Variants in GRID2 observed in about 807,000 individuals in gnomAD.
The protein encoded by GRID2 is glutamate receptor ionotropic, delta-2.
Under a neutral mutation model 114.8 loss-of-function variants are expected in GRID2, and 33 were observed. The ratio of observed to expected loss-of-function variants is 0.29; its 90% CI spans 0.22 to 0.38. The LOEUF is 0.38. GRID2 is among the 10% of genes least tolerant of loss of function. GRID2 has a pLI of 1.00. For synonymous variants in GRID2, 505 were observed against 449.9 expected, an observed-to-expected ratio of 1.12 and a Z score of -1.55; for missense variants, 1,184 against 1,257.7, an observed-to-expected ratio of 0.94 and a Z score of 0.89.
chr4:92,814,261 T>C (rs1740780181), intron 2 of GRID2, among the ~76,000 whole-genome samples: 1 of 152,088 alleles, frequency 6.6e-6, no homozygotes, highest in African/African-American at 2.4e-5. Context: ...ACACAGTAAT[T>C]TGGAGAAAGT....
At chr4:92,836,125 T>C (rs1742440394) in intron 2 of GRID2, among the ~76,000 whole-genome samples, 1 of 152,156 alleles carries the variant, frequency 6.6e-6, no homozygotes, top group South Asian at 2.1e-4. Flanking sequence ...TTTTGTATCA[T>C]CTATAGCTGT....
chr4:93,379,262 T>C lies in GRID2; in HGVS notation c.1246-16345T>C, dbSNP rs537063350. Among the ~76,000 whole-genome samples the C allele has an allele frequency of 6.0e-4, 92 of 152,196 alleles. 1 individual carries two copies. In the South Asian group the frequency reaches 0.015, roughly 25 times the overall value. ...ATAAGACAAGTAATATATTTAAATA[T>C]AGAATAAGTAACAAGCAACATGTTA... On this transcript the variant is annotated intron_variant, in intron 8 of 15. Coordinates refer to ENST00000282020, the MANE Select transcript of GRID2 (RefSeq NM_001510.4).
chr4:92,560,387 T>C (rs1727050018), intron 1 of GRID2, among the ~76,000 whole-genome samples: 1 of 152,198 alleles, frequency 6.6e-6, no homozygotes, highest in Non-Finnish European at 1.5e-5. Flanking sequence ...TTCCTCTCTC[T>C]TTTGAAGCCT....
intron 13 of GRID2, among the ~76,000 whole-genome samples, chr4:93,616,900 C>CA (rs10655866): frequency 0.48 from 71,929 of 150,440 alleles, 17,665 homozygotes; most frequent in East Asian, 0.69. Flanking sequence ...GAGGCTGAGG[C>CA]GAGAATGGCG....
At chr4:92,408,482 G>T (rs1366617489) in intron 1 of GRID2, among the ~76,000 whole-genome samples, 13 of 47,950 alleles carry the variant, frequency 2.7e-4, no homozygotes, top group South Asian at 6.7e-4. Context: ...TGTTTTAAAT[G>T]AACTTTAGAA....
intron 8 of GRID2, among the ~76,000 whole-genome samples, chr4:93,303,320 C>T (rs575531544): frequency 1.5e-4 from 23 of 152,276 alleles, no homozygotes; most frequent in East Asian, 5.8e-4. Context: ...AAGCTACAAA[C>T]GGAGCATTGT....
At chr4:92,349,286 A>G (rs1280934615) in intron 1 of GRID2, among the ~76,000 whole-genome samples, 1 of 151,972 alleles carries the variant, frequency 6.6e-6, no homozygotes, top group African/African-American at 2.4e-5. Context: ...AAAAATGACT[A>G]AAAGTTTGTC....
chr4:92,930,558 T>C (rs112805613), intron 2 of GRID2, among the ~76,000 whole-genome samples: 199 of 150,482 alleles, frequency 1.3e-3, no homozygotes, highest in Admixed American at 2.7e-3. Flanking sequence ...AAAGATTCTT[T>C]ATCTTGTTAC....
chr4:92,748,631 TGTA>T (rs1384021876), intron 2 of GRID2, among the ~76,000 whole-genome samples: 58 of 125,298 alleles, frequency 4.6e-4, no homozygotes, highest in African/African-American at 1.5e-3. Flanking sequence ...TTAATTAAAT[TGTA>T]TTATTATTAT....
rs1767365657 is a variant in GRID2 at position 93,413,086 on chromosome 4, A to G, written c.1348-9685A>G. On this transcript the variant is annotated intron_variant, in intron 9 of 15. Transcript: ENST00000282020. ...GTGTATGTGTCTTTATAGTAGAATG[A>G]TTTATAATCCTATGGGTAAATACCC... Among the ~76,000 whole-genome samples the G allele has an allele frequency of 2.6e-5, 4 of 152,128 alleles. No individual in the cohort carries two copies. The South Asian group carries it at 8.3e-4, about 32-fold the overall frequency.
chr4:92,471,141 G>A (rs1464393100), intron 1 of GRID2, among the ~76,000 whole-genome samples: 1 of 151,938 alleles, frequency 6.6e-6, no homozygotes, highest in African/African-American at 2.4e-5. Context: ...AGAGCGAATG[G>A]TACAGTAAAA....
chr4:92,572,837 A>G (rs1727697996), intron 1 of GRID2, among the ~76,000 whole-genome samples: 1 of 151,824 alleles, frequency 6.6e-6, no homozygotes, highest in Non-Finnish European at 1.5e-5. Flanking sequence ...GGCCTCATAG[A>G]ATGAGTTAAG....
chr4:93,416,442 CT>C (rs1240813669), intron 9 of GRID2, among the ~76,000 whole-genome samples: 4 of 151,954 alleles, frequency 2.6e-5, no homozygotes, highest in Non-Finnish European at 5.9e-5. Flanking sequence ...GAAATAGTCT[CT>C]TTTTTCTTTA....
intron 2 of GRID2, among the ~76,000 whole-genome samples, chr4:92,913,561 A>T (rs1370944816): frequency 1.3e-5 from 2 of 151,936 alleles, no homozygotes; most frequent in Non-Finnish European, 2.9e-5. Context: ...TCCTAGATGA[A>T]GCTCATTTTC....
At chr4:93,296,874 A>G (rs1452620120) in intron 8 of GRID2, among the ~76,000 whole-genome samples, 1 of 152,228 alleles carries the variant, frequency 6.6e-6, no homozygotes, top group Non-Finnish European at 1.5e-5. Context: ...AGCATTGCAT[A>G]CATTTGTCCA....
chr4:92,505,899 C>A (rs114944933), intron 1 of GRID2, among the ~76,000 whole-genome samples: 6 of 151,846 alleles, frequency 4.0e-5, no homozygotes, highest in African/African-American at 1.4e-4. Context: ...CCTGAAATCT[C>A]TTTTTATATT....
intron 2 of GRID2, among the ~76,000 whole-genome samples, chr4:93,021,609 A>G (rs1723329332): frequency 6.9e-6 from 1 of 145,038 alleles, no homozygotes; most frequent in African/African-American, 2.5e-5. Flanking sequence ...CTTATATATT[A>G]TTTATATATT....
intron 8 of GRID2, among the ~76,000 whole-genome samples, chr4:93,297,192 G>A (rs17020347): frequency 3.9e-5 from 6 of 152,042 alleles, no homozygotes; most frequent in African/African-American, 7.3e-5. Flanking sequence ...TTTCTATTAC[G>A]CATGGGCTGT....
chr4:93,475,034 C>A (rs1375802403), intron 11 of GRID2, among the ~76,000 whole-genome samples: 1 of 152,050 alleles, frequency 6.6e-6, no homozygotes, highest in African/African-American at 2.4e-5. Context: ...CCCCTTCCTC[C>A]CTGAGCCTAC....
Sources: allele counts gnomAD v4.1 joint callset (sites outside exome capture counted in the v4.1 genomes callset), GRCh38; gene constraint gnomAD v4.1.1; transcripts MANE v1.5; gene names NCBI Gene and HGNC (gene_info 2026-07-23, HGNC 2026-07-21).